PDE1C: variants seen among roughly 807,000 people sequenced by gnomAD.
The protein encoded by PDE1C is phosphodiesterase 1C, also known as dual specificity calcium/calmodulin-dependent 3',5'-cyclic nucleotide phosphodiesterase 1C.
Under a neutral mutation model 93.1 loss-of-function variants are expected in PDE1C, and 62 were observed. That is an observed-to-expected ratio of 0.67 (90% CI 0.54 to 0.82). The LOEUF is 0.82. Ranked by LOEUF, PDE1C falls within the 40% of genes least tolerant of loss-of-function variation. The probability of loss-of-function intolerance (pLI) is 0.00; values close to 1 mark genes in which losing one functional copy is unlikely to be tolerated. For synonymous variants in PDE1C, 325 were observed against 310.1 expected (o/e 1.05, Z -0.50); for missense variants, 742 against 884.6 (o/e 0.84, Z 2.04).
chr7:32,244,630 A>T lies in PDE1C; in HGVS notation c.86-35091T>A, dbSNP rs552397460. On this transcript the variant is annotated intron_variant, in intron 1 of 18. Coordinates refer to the PDE1C transcript ENST00000396193. ...GCCACGAGATGGTCCATGAAGGAAG[A>T]ACACCCTGTCAGATAATGCTGAAAA... is the stretch of plus-strand genomic sequence containing the variant. 2.0e-4 allele frequency among the ~76,000 whole-genome samples: 30 copies of T among 152,294 alleles called. No individual in the cohort carries two copies. The South Asian group carries it at 6.0e-3, about 31-fold the overall frequency.
the PDE1C span, among the ~76,000 whole-genome samples, chr7:31,638,224 T>C: frequency 6.6e-6 from 1 of 152,210 alleles, no homozygotes; most frequent in Non-Finnish European, 1.5e-5. Flanking sequence ...TAAAGGAAAC[T>C]GAAAAGTTTT....
chr7:32,375,284 C>T (rs757252951), intron 1 of PDE1C, among the ~76,000 whole-genome samples: 3 of 152,068 alleles, frequency 2.0e-5, no homozygotes, highest in East Asian at 1.9e-4. Flanking sequence ...AGCAGGAAGG[C>T]GCAGGGCAGA....
At chr7:31,935,098 G>A (rs745853459) in intron 2 of PDE1C, among the ~76,000 whole-genome samples, 7 of 152,100 alleles carry the variant, frequency 4.6e-5, no homozygotes, top group Non-Finnish European at 7.4e-5. Flanking sequence ...ACAAAAACTC[G>A]AATGCCTTCT....
At chr7:31,817,829 C>T (rs1259224361) in intron 14 of PDE1C, among the ~76,000 whole-genome samples, 1 of 152,100 alleles carries the variant, frequency 6.6e-6, no homozygotes, top group Non-Finnish European at 1.5e-5. Flanking sequence ...CAAATTTGGT[C>T]CAGATTCACA....
intron 3 of PDE1C, among the ~76,000 whole-genome samples, chr7:32,099,565 G>A (rs1025317164): frequency 2.6e-5 from 4 of 152,160 alleles, no homozygotes; most frequent in East Asian, 3.8e-4. Flanking sequence ...GTTAGATAAT[G>A]AGGACATTAA....
At chr7:31,619,817 G>A in the PDE1C span, among the ~76,000 whole-genome samples, 27 of 152,262 alleles carry the variant, frequency 1.8e-4, no homozygotes, top group East Asian at 9.7e-4. Context: ...TGCCTCCCTC[G>A]GGAAGCGCAA....
the PDE1C span, among the ~76,000 whole-genome samples, chr7:31,669,233 GA>G: frequency 1.3e-3 from 194 of 152,240 alleles, 2 homozygotes; most frequent in Middle Eastern, 6.8e-3. Flanking sequence ...AAATGCTGTA[GA>G]TTTTTTTTCT....
At chr7:32,035,904 T>C (rs931028748) in intron 2 of PDE1C, among the ~76,000 whole-genome samples, 2 of 152,174 alleles carry the variant, frequency 1.3e-5, no homozygotes, top group Non-Finnish European at 2.9e-5. Context: ...GCCTGGTCAA[T>C]TGTGAAAACT....
At chr7:32,289,102 AAG>A (rs1185341078) in intron 1 of PDE1C, among the ~76,000 whole-genome samples, 6 of 152,320 alleles carry the variant, frequency 3.9e-5, no homozygotes, top group Non-Finnish European at 7.4e-5. Flanking sequence ...AAGATTCAGA[AAG>A]GTAAAAAAAG....
At chr7:31,633,557 T>C in the PDE1C span, among the ~76,000 whole-genome samples, 12 of 152,240 alleles carry the variant, frequency 7.9e-5, no homozygotes, top group African/African-American at 2.9e-4. Context: ...ACAACTGCTC[T>C]CTGGTCTGAA....
intron 1 of PDE1C, among the ~76,000 whole-genome samples, chr7:32,295,720 C>A (rs533700819): frequency 2.0e-5 from 3 of 151,772 alleles, no homozygotes; most frequent in Non-Finnish European, 4.4e-5. Flanking sequence ...TGAAACCCCA[C>A]CTCTACTAAA....
intron 1 of PDE1C, among the ~76,000 whole-genome samples, chr7:32,417,462 C>T (rs1785298190): frequency 6.6e-6 from 1 of 152,112 alleles, no homozygotes; most frequent in Admixed American, 6.5e-5. Context: ...TCACAAACAA[C>T]TCAATAAATG....
chr7:32,203,186 C>G (rs1261709020), intron 2 of PDE1C, among the ~76,000 whole-genome samples: 2 of 151,890 alleles, frequency 1.3e-5, no homozygotes, highest in African/African-American at 4.8e-5. Flanking sequence ...CACAGTCCCC[C>G]ACTCATGGCA....
intron 1 of PDE1C, among the ~76,000 whole-genome samples, chr7:32,289,617 CA>C (rs919511688): frequency 1.0e-4 from 15 of 148,290 alleles, no homozygotes; most frequent in African/African-American, 3.2e-4. Flanking sequence ...ACAGCAAAAC[CA>C]AAAAAAAAAT....
chr7:32,080,121 A>C (rs1361083158), intron 3 of PDE1C, among the ~76,000 whole-genome samples: 1 of 152,208 alleles, frequency 6.6e-6, no homozygotes, highest in African/African-American at 2.4e-5. Flanking sequence ...TAAGGAGCTA[A>C]GTTGTGGCAG....
At chr7:32,206,525 A>C (rs1425298611) in intron 2 of PDE1C, among the ~76,000 whole-genome samples, 1 of 152,182 alleles carries the variant, frequency 6.6e-6, no homozygotes, top group Non-Finnish European at 1.5e-5. Context: ...ACTTCATCCC[A>C]GAAGTCCCCA....
intron 5 of PDE1C, among the ~76,000 whole-genome samples, chr7:31,877,346 CATTTAAACT>C (rs1382987142): frequency 2.6e-5 from 4 of 152,098 alleles, no homozygotes; most frequent in Admixed American, 6.6e-5. Flanking sequence ...GGATTTAGCC[CATTTAAACT>C]CAAGCATTTG....
intron 3 of PDE1C, among the ~76,000 whole-genome samples, chr7:32,090,912 C>A (rs1409190289): frequency 1.3e-5 from 2 of 152,116 alleles, no homozygotes; most frequent in Non-Finnish European, 2.9e-5. Context: ...TTTAGCATTA[C>A]AAGAAAATGG....
chr7:31,765,388 T>C (rs1398993427), intron 17 of PDE1C, among the ~76,000 whole-genome samples: 1 of 152,214 alleles, frequency 6.6e-6, no homozygotes, highest in Non-Finnish European at 1.5e-5. Context: ...ATTTTGTTTG[T>C]CTTGGCATGA....
Sources: allele counts gnomAD v4.1 joint callset (sites outside exome capture counted in the v4.1 genomes callset), GRCh38; gene constraint gnomAD v4.1.1; transcripts MANE v1.5; gene names NCBI Gene and HGNC (gene_info 2026-07-23, HGNC 2026-07-21).